The following DCLK1 variants were observed in gnomAD, a reference collection of about 807,000 sequenced individuals.
The protein encoded by DCLK1 is serine/threonine-protein kinase DCLK1.
In DCLK1, 16 loss-of-function variants were observed where a neutral mutation model predicts 86.2. The observed-to-expected ratio is 0.19, with a 90% CI of 0.13 to 0.28. The LOEUF (loss-of-function observed/expected upper bound fraction) is 0.28. Ranked by LOEUF, DCLK1 falls within the 10% of genes least tolerant of loss-of-function variation. The pLI, the probability that DCLK1 is intolerant of heterozygous loss-of-function variation, is 1.00. For missense variants in DCLK1, 590 were observed against 940.2 expected (o/e 0.63, Z 4.87); for synonymous variants, 369 against 370.5 (o/e 1.00, Z 0.05).
chr13:36,013,176 T>C (rs1881360585), intron 3 of DCLK1, among the ~76,000 whole-genome samples: 1 of 149,876 alleles, frequency 6.7e-6, no homozygotes, highest in African/African-American at 2.5e-5. Context: ...GGTTTGAATG[T>C]CCTCCCGTAG....
At chr13:35,996,811 CA>C (rs1338529855) in intron 3 of DCLK1, among the ~76,000 whole-genome samples, 1 of 152,198 alleles carries the variant, frequency 6.6e-6, no homozygotes, top group Non-Finnish European at 1.5e-5. Flanking sequence ...ATCTTTTATA[CA>C]TGCTTTGCTT....
intron 6 of DCLK1, chr13:35,847,634 A>C (rs1290423549): frequency 4.7e-6 from 4 of 854,846 alleles, no homozygotes; most frequent in Admixed American, 6.3e-5. Context: ...AAAGAAAGAA[A>C]GAAAGAAAGA....
intron 3 of DCLK1, among the ~76,000 whole-genome samples, chr13:35,968,822 T>C (rs945980798): frequency 6.6e-6 from 1 of 152,140 alleles, no homozygotes; most frequent in Non-Finnish European, 1.5e-5. Context: ...AGTCCCAGCA[T>C]AGAGGACATT....
Position 36,122,745 on chromosome 13 carries a change from A to G in DCLK1, c.376+3017T>C, listed in dbSNP as rs186980968. Among the ~76,000 whole-genome samples, 20 of 152,306 alleles carry G rather than the reference A, an allele frequency of 1.3e-4. No homozygotes were observed. The East Asian group carries it at 2.1e-3, about 16-fold the overall frequency. On this transcript the variant is annotated intron_variant, in intron 2 of 16. Transcript: ENST00000360631. ...CATATTAAGGCCATTTTGAAAGCAA[A>G]CAAGAGTGTCACCTTTGGAATGCTC...
intron 4 of DCLK1, among the ~76,000 whole-genome samples, chr13:35,936,143 G>A (rs1330029793): frequency 6.6e-6 from 1 of 152,168 alleles, no homozygotes; most frequent in Non-Finnish European, 1.5e-5. Flanking sequence ...GTCAAGGGGA[G>A]AGAATTTCAA....
At chr13:36,046,100 T>C (rs995964966) in intron 3 of DCLK1, among the ~76,000 whole-genome samples, 1 of 152,194 alleles carries the variant, frequency 6.6e-6, no homozygotes, top group African/African-American at 2.4e-5. Context: ...GTTATTTTGG[T>C]AAAGAAAGTT....
intron 5 of DCLK1, among the ~76,000 whole-genome samples, chr13:35,866,663 C>T (rs2153113594): frequency 6.6e-6 from 1 of 151,006 alleles, no homozygotes; most frequent in Non-Finnish European, 1.5e-5. Flanking sequence ...CCTGCCTTGG[C>T]CTCCCAAAGT....
At chr13:35,855,822 C>T in intron 5 of DCLK1, 4 of 1,241,792 alleles carry the variant, frequency 3.2e-6, no homozygotes, top group Non-Finnish European at 3.0e-6. Context: ...TTCCGGAAGC[C>T]CCAGTGCTGT....
chr13:35,879,346 T>C (rs1872755679), intron 4 of DCLK1, among the ~76,000 whole-genome samples: 1 of 152,204 alleles, frequency 6.6e-6, no homozygotes, highest in African/African-American at 2.4e-5. Flanking sequence ...CTAGAGGCAC[T>C]GCTGGGAGCA....
At chr13:35,987,139 C>T (rs573247602) in intron 3 of DCLK1, among the ~76,000 whole-genome samples, 4 of 152,158 alleles carry the variant, frequency 2.6e-5, no homozygotes, top group South Asian at 2.1e-4. Context: ...GTATCAGTGG[C>T]GGCTGGGAGC....
At chr13:35,808,905 A>G in intron 13 of DCLK1, 113 bp downstream of exon 13, 1 of 764,876 alleles carries the variant, frequency 1.3e-6, no homozygotes, top group Non-Finnish European at 2.0e-6. Flanking sequence ...TTGCAAGTAA[A>G]GTTCTTGTGC....
chr13:35,816,921 C>A (rs2087281328), intron 11 of DCLK1, among the ~76,000 whole-genome samples: 1 of 152,140 alleles, frequency 6.6e-6, no homozygotes, highest in East Asian at 1.9e-4. Flanking sequence ...TACTTGGTCA[C>A]AAGGCACACA....
chr13:35,881,808 C>T (rs1199778743), intron 4 of DCLK1, among the ~76,000 whole-genome samples: 1 of 152,132 alleles, frequency 6.6e-6, no homozygotes, highest in Non-Finnish European at 1.5e-5. Context: ...AGGGGCATGT[C>T]GTGTGAAATA....
At chr13:35,785,146 T>C (rs1048421817) in intron 16 of DCLK1, among the ~76,000 whole-genome samples, 9 of 152,186 alleles carry the variant, frequency 5.9e-5, no homozygotes, top group African/African-American at 2.2e-4. Flanking sequence ...CTTGTTTTGA[T>C]ATTTGTTTTA....
intron 3 of DCLK1, among the ~76,000 whole-genome samples, chr13:36,011,806 T>C (rs893741191): frequency 1.3e-5 from 2 of 149,376 alleles, no homozygotes; most frequent in Admixed American, 6.7e-5. Context: ...CTCGTTCATC[T>C]GTCTAATGTT....
At chr13:36,024,576 T>A (rs1881953956) in intron 3 of DCLK1, among the ~76,000 whole-genome samples, 1 of 152,098 alleles carries the variant, frequency 6.6e-6, no homozygotes. Flanking sequence ...TTGAAAGAAA[T>A]TAAAGAAGTC....
In DCLK1 at chr13:35,909,919, A is replaced by G. The variant is rs557111597; in HGVS notation, c.823+37439T>C. On this transcript the variant is annotated intron_variant, in intron 4 of 16. Transcript: ENST00000360631. ...AAAACAGGCTTGCTTCTACAGCTCC[A>G]TCTTGAAAAGCTTCTAGCAGCCAGC... Among the ~76,000 whole-genome samples the G allele has an allele frequency of 5.9e-5, 9 of 152,272 alleles. No individual in the cohort carries two copies. The East Asian group carries it at 1.7e-3, about 29-fold the overall frequency.
intron 3 of DCLK1, among the ~76,000 whole-genome samples, chr13:36,098,801 T>C (rs1341174110): frequency 2.0e-5 from 3 of 152,098 alleles, no homozygotes; most frequent in Non-Finnish European, 2.9e-5. Context: ...TGATTCCCAA[T>C]ACATCTTAAT....
intron 3 of DCLK1, among the ~76,000 whole-genome samples, chr13:35,970,367 C>T (rs1254637752): frequency 5.9e-5 from 9 of 152,110 alleles, no homozygotes; most frequent in East Asian, 1.9e-4. Flanking sequence ...TAGCCAATCC[C>T]GCTTCTGATA....
Sources: allele counts gnomAD v4.1 joint callset (sites outside exome capture counted in the v4.1 genomes callset), GRCh38; gene constraint gnomAD v4.1.1; transcripts MANE v1.5; gene names NCBI Gene and HGNC (gene_info 2026-07-23, HGNC 2026-07-21).